Variants in ZNF385D observed in about 807,000 individuals in gnomAD.
ZNF385D encodes the protein zinc finger protein 659.
ZNF385D carries 15 observed loss-of-function variants against 35.8 expected under a neutral mutation model. That is an observed-to-expected ratio of 0.42 (90% CI 0.28 to 0.64). The LOEUF (loss-of-function observed/expected upper bound fraction) is 0.64. Ranked by LOEUF, ZNF385D falls within the 30% of genes least tolerant of loss-of-function variation. The pLI, the probability that ZNF385D is intolerant of heterozygous loss-of-function variation, is 0.23. For missense variants in ZNF385D, 474 were observed against 494.6 expected, an observed-to-expected ratio of 0.96 and a Z score of 0.39; for synonymous variants, 212 against 186.8, an observed-to-expected ratio of 1.13 and a Z score of -1.10.
In ZNF385D at chr3:22,180,914, C is replaced by CTTTTTTTTTTTTTTTTTTTTTTTTTTTT. The variant is rs61668943; in HGVS notation, c.107-11880_107-11879insAAAAAAAAAAAAAAAAAAAAAAAAAAAA. On this transcript the variant is annotated intron_variant, in intron 2 of 5. Transcript: ENST00000494108. Reference sequence around the variant, plus strand: ...AATCCAGTAGCTATATGCTTTTGTTCTTTTTTTTTTTTTTTTAAGAGACAG... The same window carrying CTTTTTTTTTTTTTTTTTTTTTTTTTTTT: ...AATCCAGTAGCTATATGCTTTTGTTCTTTTTTTTTTTTTTTTTTTTTTTTTTTTTTTTTTTTTTTTTTTTAAGAGACAG... Among the ~76,000 whole-genome samples, 72 of 112,942 alleles carry CTTTTTTTTTTTTTTTTTTTTTTTTTTTT rather than the reference C, an allele frequency of 6.4e-4. 11 individuals are homozygous for CTTTTTTTTTTTTTTTTTTTTTTTTTTTT. The highest frequency in any genetic ancestry group is 5.4e-3 in the Middle Eastern group (1 of 184). The allele number at this position is 112,942 out of a possible 152,430, so 74.1% of individuals were successfully genotyped here.
intron 3 of ZNF385D, among the ~76,000 whole-genome samples, chr3:21,991,881 G>C (rs1235088831): frequency 1.3e-5 from 2 of 152,174 alleles, no homozygotes; most frequent in Non-Finnish European, 2.9e-5. Flanking sequence ...GTGCATGCCT[G>C]CATGGATTTT....
intron 3 of ZNF385D, among the ~76,000 whole-genome samples, chr3:21,773,327 G>C (rs1348002551): frequency 6.6e-6 from 1 of 151,772 alleles, no homozygotes; most frequent in African/African-American, 2.4e-5. Flanking sequence ...TTTGGAATAG[G>C]TTTCTCTTTT....
chr3:22,204,348 G>A (rs992012066), intron 2 of ZNF385D, among the ~76,000 whole-genome samples: 9 of 151,926 alleles, frequency 5.9e-5, no homozygotes, highest in African/African-American at 1.7e-4. Context: ...TATGATAAAA[G>A]ACAAGTTCCT....
intron 3 of ZNF385D, among the ~76,000 whole-genome samples, chr3:22,058,470 G>A (rs932346117): frequency 6.6e-6 from 1 of 152,110 alleles, no homozygotes; most frequent in Non-Finnish European, 1.5e-5. Flanking sequence ...AGCCTCTTTA[G>A]AGAACTGGAT....
chr3:22,205,239 T>C (rs1206930481), intron 2 of ZNF385D, among the ~76,000 whole-genome samples: 1 of 151,654 alleles, frequency 6.6e-6, no homozygotes, highest in Non-Finnish European at 1.5e-5. Context: ...AAGGAAAAAA[T>C]ATTTTATCCT....
Position 22,223,941 on chromosome 3 carries a change from T to C in ZNF385D, c.107-54906A>G, listed in dbSNP as rs370756895. Among the ~76,000 whole-genome samples, 6 of 152,286 alleles carry C rather than the reference T, an allele frequency of 3.9e-5. No homozygotes were observed. The South Asian group carries it at 8.3e-4, about 21-fold the overall frequency. On this transcript the variant is annotated intron_variant, in intron 2 of 5. Transcript: ENST00000494108. ...GTAAAGTCAGGGACTTTGCCTATTT[T>C]ATTCACCATCATACATGGCCTATTT...
At chr3:22,370,199 T>C (rs1284822319) in intron 2 of ZNF385D, among the ~76,000 whole-genome samples, 1 of 152,214 alleles carries the variant, frequency 6.6e-6, no homozygotes, top group African/African-American at 2.4e-5. Context: ...TGAGCTTTAA[T>C]TATAAGCTGG....
intron 2 of ZNF385D, among the ~76,000 whole-genome samples, chr3:22,197,174 G>A (rs1188643435): frequency 6.6e-6 from 1 of 151,830 alleles, no homozygotes; most frequent in Non-Finnish European, 1.5e-5. Context: ...TGCAATTTTT[G>A]TTGAATTTAT....
At chr3:22,062,824 G>A (rs1012960931) in intron 3 of ZNF385D, among the ~76,000 whole-genome samples, 1 of 152,182 alleles carries the variant, frequency 6.6e-6, no homozygotes, top group Non-Finnish European at 1.5e-5. Context: ...CAGCCATATG[G>A]AAATACCATG....
intron 3 of ZNF385D, among the ~76,000 whole-genome samples, chr3:22,042,949 A>G (rs1043114492): frequency 1.3e-5 from 2 of 152,178 alleles, no homozygotes; most frequent in Non-Finnish European, 2.9e-5. Context: ...AATTTTCTCA[A>G]CTAGGATCAG....
intron 1 of ZNF385D, among the ~76,000 whole-genome samples, chr3:21,674,525 C>A (rs1201689678): frequency 6.6e-6 from 1 of 151,982 alleles, no homozygotes; most frequent in East Asian, 1.9e-4. Context: ...AAATTATAAC[C>A]CCTGAAAGCA....
intron 2 of ZNF385D, among the ~76,000 whole-genome samples, chr3:22,325,829 C>T (rs1038185619): frequency 4.0e-4 from 56 of 141,398 alleles, no homozygotes; most frequent in African/African-American, 1.4e-3. Flanking sequence ...CAAAAAGAAT[C>T]ACATTTTTTT....
At chr3:22,049,203 G>C (rs1310826052) in intron 3 of ZNF385D, among the ~76,000 whole-genome samples, 1 of 151,908 alleles carries the variant, frequency 6.6e-6, no homozygotes, top group Non-Finnish European at 1.5e-5. Context: ...GGCTGAGATG[G>C]GAGATTCGCT....
At chr3:22,095,270 C>T (rs908901619) in intron 3 of ZNF385D, among the ~76,000 whole-genome samples, 3 of 151,650 alleles carry the variant, frequency 2.0e-5, no homozygotes, top group Non-Finnish European at 2.9e-5. Context: ...CAGTATAAAT[C>T]GTTTTATATT....
At chr3:21,438,740 A>G (rs370681076) in intron 4 of ZNF385D, among the ~76,000 whole-genome samples, 3 of 152,090 alleles carry the variant, frequency 2.0e-5, no homozygotes, top group Non-Finnish European at 2.9e-5. Flanking sequence ...CATAAAGAAC[A>G]TTCACCTGCC....
chr3:21,888,803 G>A (rs1246903547), intron 3 of ZNF385D, among the ~76,000 whole-genome samples: 1 of 152,192 alleles, frequency 6.6e-6, no homozygotes, highest in Admixed American at 6.5e-5. Context: ...CCCAAAATGA[G>A]GTGCCTGTTC....
chr3:21,424,289 A>ATATATATATTTATATATATATACT (rs1324878181), intron 6 of ZNF385D, among the ~76,000 whole-genome samples: 1 of 95,132 alleles, frequency 1.1e-5, no homozygotes, highest in African/African-American at 4.1e-5. Flanking sequence ...ATATATACTT[A>ATATATATATTTATATATATATACT]TATATATATA....
At chr3:21,786,142 G>T (rs1246941008) in intron 3 of ZNF385D, among the ~76,000 whole-genome samples, 1 of 151,836 alleles carries the variant, frequency 6.6e-6, no homozygotes, top group Non-Finnish European at 1.5e-5. Flanking sequence ...CATCACAAAC[G>T]TAAACAGAAC....
At chr3:22,081,362 G>C (rs527405197) in intron 3 of ZNF385D, among the ~76,000 whole-genome samples, 1 of 152,104 alleles carries the variant, frequency 6.6e-6, no homozygotes, top group Non-Finnish European at 1.5e-5. Flanking sequence ...TAAGCAAGCT[G>C]CTCAGCCTCC....
Sources: allele counts gnomAD v4.1 joint callset (sites outside exome capture counted in the v4.1 genomes callset), GRCh38; gene constraint gnomAD v4.1.1; transcripts MANE v1.5; gene names NCBI Gene and HGNC (gene_info 2026-07-23, HGNC 2026-07-21).